Variants in KCNG3 observed in about 807,000 individuals in gnomAD.
The protein encoded by KCNG3 is voltage-gated potassium channel regulatory subunit KCNG3.
In KCNG3, 15 loss-of-function variants were observed where a neutral mutation model predicts 29.0. That is an observed-to-expected ratio of 0.52 (90% confidence interval 0.35 to 0.80). The LOEUF is 0.80. Ranked by LOEUF, KCNG3 falls within the 30% of genes least tolerant of loss-of-function variation. KCNG3 has a pLI of 0.01. For synonymous variants in KCNG3, 322 were observed against 248.9 expected, an observed-to-expected ratio of 1.29 and a Z score of -2.76; for missense variants, 512 against 605.7, an observed-to-expected ratio of 0.85 and a Z score of 1.62.
chr2:42,434,051 T>A, the KCNG3 span, among the ~76,000 whole-genome samples: 1 of 152,196 alleles, frequency 6.6e-6, no homozygotes, highest in Non-Finnish European at 1.5e-5. Context: ...TTAATATGAA[T>A]AAGATGCTAC....
intron 1 of KCNG3, among the ~76,000 whole-genome samples, chr2:42,448,134 G>A (rs188285548): frequency 7.4e-4 from 112 of 152,248 alleles, no homozygotes; most frequent in African/African-American, 2.2e-3. Flanking sequence ...CATGTTTAAC[G>A]GCCTGCTCTG....
chr2:42,493,205 G>C lies in KCNG3; in HGVS notation c.297C>G (p.Ile99Met). 1 of 1,611,064 alleles carries C rather than the reference G, an allele frequency of 6.2e-7. No homozygotes were observed. The highest frequency in any genetic ancestry group is 1.1e-5 in the South Asian group (1 of 91,072). Residue 99 changes from isoleucine (I) to methionine (M), a missense_variant, in exon 1 of 2, where the codon ATC becomes ATG. By Grantham distance (10) the Ile-to-Met change is conservative. Coordinates refer to ENST00000306078, the MANE Select transcript of KCNG3 (RefSeq NM_133329.6). ...MCELSFYNEM[I>M]YWGLEGAHLE... ...GGTGCGCGCCCTCCAGGCCCCAGTA[G>C]ATCATCTCGTTGTAGAAGGAGAGCT...
chr2:42,458,445 G>A (rs888679338), intron 1 of KCNG3, among the ~76,000 whole-genome samples: 2 of 151,718 alleles, frequency 1.3e-5, no homozygotes, highest in Admixed American at 1.3e-4. Context: ...TCTCTTTATT[G>A]GGAAACAGGG....
At chr2:42,485,268 T>A (rs1300701355) in intron 1 of KCNG3, among the ~76,000 whole-genome samples, 2 of 151,976 alleles carry the variant, frequency 1.3e-5, no homozygotes, top group Non-Finnish European at 2.9e-5. Flanking sequence ...AAAGAGCAGA[T>A]CAAAATTATA....
chr2:42,440,969 T>C (rs1672460341), downstream of KCNG3, among the ~76,000 whole-genome samples: 1 of 152,220 alleles, frequency 6.6e-6, no homozygotes, highest in South Asian at 2.1e-4. Flanking sequence ...GGATAATGTC[T>C]GACTTACTGG....
At chr2:42,467,900 G>T (rs757797155) in intron 1 of KCNG3, among the ~76,000 whole-genome samples, 1 of 150,952 alleles carries the variant, frequency 6.6e-6, no homozygotes, top group African/African-American at 2.4e-5. Context: ...AGCCTGGAGA[G>T]ATTGAGGCTG....
chr2:42,467,042 T>C (rs1673159237), intron 1 of KCNG3, among the ~76,000 whole-genome samples: 2 of 152,038 alleles, frequency 1.3e-5, no homozygotes, highest in African/African-American at 2.4e-5. Context: ...CAGGAGCCAC[T>C]GCGCCCGGCC....
chr2:42,430,420 C>T, the KCNG3 span, among the ~76,000 whole-genome samples: 1 of 150,658 alleles, frequency 6.6e-6, no homozygotes, highest in Admixed American at 6.6e-5. Context: ...ATACGCTAAC[C>T]AACTAGGATC....
Position 42,444,417 on chromosome 2 carries a change from G to T in KCNG3, c.828C>A (p.Gly276=), listed in dbSNP as rs756484350. Reference sequence around the variant, plus strand: ...CAGCCCTCTGGAGTTGAGAGTTCTCGCCTGTAAACACTGTCATCAACACAG... The same window carrying T: ...CAGCCCTCTGGAGTTGAGAGTTCTCTCCTGTAAACACTGTCATCAACACAG... The part of the protein sequence containing the change: ...YISVLMTVFT[G]ENSQLQRAGV... Residue 276 remains glycine, a synonymous_variant, in exon 2 of 2, where the codon GGC becomes GGA. Coordinates refer to ENST00000306078, the MANE Select transcript of KCNG3 (RefSeq NM_133329.6). The surrounding 1 kb of genome is among the most constrained non-coding windows in gnomAD (Gnocchi z 5.8). 20 of 1,613,972 alleles carry T rather than the reference G, an allele frequency of 1.2e-5. No individual in the cohort carries two copies. The highest frequency in any genetic ancestry group is 1.6e-5 in the Non-Finnish European group (19 of 1,180,022).
chr2:42,399,087 C>T, the KCNG3 span, among the ~76,000 whole-genome samples: 17 of 128,940 alleles, frequency 1.3e-4, no homozygotes, highest in Non-Finnish European at 1.6e-5. Context: ...GACAGGGTCT[C>T]ACTCTGTCAC....
chr2:42,445,798 C>A (rs1672583699), intron 1 of KCNG3, among the ~76,000 whole-genome samples: 1 of 152,004 alleles, frequency 6.6e-6, no homozygotes, highest in Non-Finnish European at 1.5e-5. Context: ...ACGATCTCAG[C>A]TCACTGCAAC....
chr2:42,437,652 T>C (rs1180425864), downstream of KCNG3, among the ~76,000 whole-genome samples: 1 of 152,156 alleles, frequency 6.6e-6, no homozygotes, highest in Non-Finnish European at 1.5e-5. Context: ...AAAATAAATA[T>C]GTGGGCTGGG....
At chr2:42,471,841 A>G (rs1673296984) in intron 1 of KCNG3, among the ~76,000 whole-genome samples, 1 of 148,726 alleles carries the variant, frequency 6.7e-6, no homozygotes, top group Admixed American at 6.9e-5. Flanking sequence ...CCATGACTGC[A>G]CCACTGCACT....
At chr2:42,423,693 G>T in the KCNG3 span, among the ~76,000 whole-genome samples, 1 of 151,552 alleles carries the variant, frequency 6.6e-6, no homozygotes, top group East Asian at 1.9e-4. Flanking sequence ...ACCTGTAAAC[G>T]TCTTCAATGT....
At chr2:42,414,548 C>A in the KCNG3 span, among the ~76,000 whole-genome samples, 2 of 149,314 alleles carry the variant, frequency 1.3e-5, no homozygotes, top group Non-Finnish European at 3.0e-5. Context: ...AATGTACTTT[C>A]TTTTCTTTTT....
chr2:42,390,623 A>C, the KCNG3 span, among the ~76,000 whole-genome samples: 2 of 152,040 alleles, frequency 1.3e-5, no homozygotes, highest in Non-Finnish European at 2.9e-5. Flanking sequence ...TGTTTATCAG[A>C]CTCCTCTGAA....
chr2:42,456,205 C>T (rs1672870304), intron 1 of KCNG3, among the ~76,000 whole-genome samples: 2 of 152,156 alleles, frequency 1.3e-5, no homozygotes, highest in South Asian at 4.2e-4. Context: ...AAGGCATAGA[C>T]TGCAATCATT....
the KCNG3 span, among the ~76,000 whole-genome samples, chr2:42,431,231 A>C: frequency 7.9e-5 from 12 of 152,120 alleles, no homozygotes; most frequent in Non-Finnish European, 1.3e-4. Flanking sequence ...GGATCCTGCT[A>C]TTCCTAAGAA....
At chr2:42,452,705 C>G (rs1275322510) in intron 1 of KCNG3, among the ~76,000 whole-genome samples, 1 of 151,948 alleles carries the variant, frequency 6.6e-6, no homozygotes, top group Non-Finnish European at 1.5e-5. Context: ...GGACCTCATT[C>G]TTTTTTATGG....
Sources: allele counts gnomAD v4.1 joint callset (sites outside exome capture counted in the v4.1 genomes callset), GRCh38; gene constraint gnomAD v4.1.1; non-coding constraint Gnocchi (gnomAD v3.1); transcripts MANE v1.5; gene names NCBI Gene and HGNC (gene_info 2026-07-23, HGNC 2026-07-21).